ENOX1: variants seen among roughly 807,000 people sequenced by gnomAD.
ENOX1 encodes candidate growth-related and time keeping constitutive hydroquinone (NADH) oxidase.
Under a neutral mutation model 82.5 loss-of-function variants are expected in ENOX1, and 42 were observed. The ratio of observed to expected loss-of-function variants is 0.51; its 90% CI spans 0.40 to 0.66. The LOEUF is 0.66. Among genes scored for constraint, ENOX1 ranks in the 30% least tolerant of loss-of-function variants. ENOX1 has a pLI of 0.00. For missense variants in ENOX1, 608 were observed against 811.6 expected (o/e 0.75, Z 3.05); for synonymous variants, 271 against 282.2 (o/e 0.96, Z 0.40).
chr13:43,586,910 A>G (rs2081017938), intron 2 of ENOX1, among the ~76,000 whole-genome samples: 1 of 4,180 alleles, frequency 2.4e-4, no homozygotes, highest in South Asian at 0.022. Flanking sequence ...TAAAAATACA[A>G]AAAAAAAAAA....
intron 2 of ENOX1, among the ~76,000 whole-genome samples, chr13:43,654,606 T>C (rs993456374): frequency 2.0e-5 from 3 of 152,230 alleles, no homozygotes; most frequent in Non-Finnish European, 4.4e-5. Flanking sequence ...TTTGTTTAAA[T>C]AATGCTACTG....
intron 2 of ENOX1, among the ~76,000 whole-genome samples, chr13:43,593,137 T>C (rs866209899): frequency 5.9e-5 from 9 of 152,326 alleles, no homozygotes; most frequent in Middle Eastern, 3.4e-3. Context: ...ACCAGCAGCC[T>C]AGAGTCTGAC....
At chr13:43,256,865 C>G (rs1425649071) in intron 14 of ENOX1, among the ~76,000 whole-genome samples, 1 of 152,096 alleles carries the variant, frequency 6.6e-6, no homozygotes, top group Non-Finnish European at 1.5e-5. Context: ...TGATATATTG[C>G]AGTACTATTC....
chr13:43,493,190 G>A (rs980335601), intron 2 of ENOX1, among the ~76,000 whole-genome samples: 1 of 151,892 alleles, frequency 6.6e-6, no homozygotes, highest in African/African-American at 2.4e-5. Context: ...TGTTTATCTG[G>A]AGAACCTTGA....
chr13:43,471,919 TTACTG>T (rs2058086903), intron 3 of ENOX1, among the ~76,000 whole-genome samples: 2 of 151,962 alleles, frequency 1.3e-5, no homozygotes, highest in Admixed American at 6.6e-5. Flanking sequence ...ATATGAGTAT[TTACTG>T]TAAACTTCTT....
chr13:43,462,023 C>T (rs944949258), intron 3 of ENOX1, among the ~76,000 whole-genome samples: 1 of 152,154 alleles, frequency 6.6e-6, no homozygotes, highest in Non-Finnish European at 1.5e-5. Context: ...AAGCCCCTTC[C>T]CTCTGGTGCT....
intron 12 of ENOX1, among the ~76,000 whole-genome samples, chr13:43,289,091 C>T (rs1381545941): frequency 1.3e-5 from 2 of 152,120 alleles, no homozygotes; most frequent in African/African-American, 4.8e-5. Flanking sequence ...AATGGAAAAA[C>T]ACTTCATGCT....
intron 2 of ENOX1, among the ~76,000 whole-genome samples, chr13:43,616,207 T>A (rs1288159044): frequency 0.11 from 2,734 of 25,808 alleles, 633 homozygotes; most frequent in African/African-American, 0.19. Flanking sequence ...TATATATATT[T>A]TTTTTTTTTT....
At chr13:43,398,136 A>G (rs114479946) in intron 5 of ENOX1, among the ~76,000 whole-genome samples, 1,755 of 152,300 alleles carry the variant, frequency 0.012, 31 homozygotes, top group African/African-American at 0.04. Flanking sequence ...GGATTTCAAC[A>G]TATGAATTTG....
At chr13:43,545,511 C>A (rs908185799) in intron 2 of ENOX1, 1 of 152,234 alleles carries the variant, frequency 6.6e-6, no homozygotes, top group African/African-American at 2.4e-5. Context: ...CTGGGAATGG[C>A]CTCCATCAGA....
chr13:43,497,432 T>C (rs894871809), intron 2 of ENOX1, among the ~76,000 whole-genome samples: 1 of 152,154 alleles, frequency 6.6e-6, no homozygotes, highest in African/African-American at 2.4e-5. Context: ...ATACCTTTTA[T>C]TCCTAGTCTG....
chr13:43,578,841 C>T lies in ENOX1; in HGVS notation c.-219+88638G>A, dbSNP rs73182372. On this transcript the variant is annotated intron_variant, in intron 2 of 16. Coordinates refer to ENST00000690772, the MANE Select transcript of ENOX1 (RefSeq NM_001347969.2). ...AATATTATTGCTTGACTTAATTCCA[C>T]CTTTGATCTCCTCCCCCAATGATAT... Among the ~76,000 whole-genome samples, 468 of 152,254 alleles carry T rather than the reference C, an allele frequency of 3.1e-3. 1 individual carries two copies. Among genetic ancestry groups the T allele is most frequent in the Middle Eastern group, 0.02 (6 of 294 alleles).
At chr13:43,269,647 C>T in intron 12 of ENOX1, 70 bp from the exon 13 acceptor site, 1 of 1,196,702 alleles carries the variant, frequency 8.4e-7, no homozygotes. Flanking sequence ...TCCACAATAC[C>T]CATTCAAAAT....
intron 14 of ENOX1, among the ~76,000 whole-genome samples, chr13:43,259,886 A>G (rs901147500): frequency 8.5e-5 from 13 of 152,058 alleles, no homozygotes; most frequent in Admixed American, 7.9e-4. Flanking sequence ...GGCCCCTAAG[A>G]CCAAGCAGCA....
chr13:43,602,769 T>G (rs548477107), intron 2 of ENOX1, among the ~76,000 whole-genome samples: 1 of 151,890 alleles, frequency 6.6e-6, no homozygotes, highest in Admixed American at 6.6e-5. Context: ...AAAAAAAGGA[T>G]AGGGCAATCT....
intron 3 of ENOX1, among the ~76,000 whole-genome samples, chr13:43,479,913 A>T (rs1488218099): frequency 6.6e-6 from 1 of 151,774 alleles, no homozygotes; most frequent in Non-Finnish European, 1.5e-5. Flanking sequence ...TGGTTACTAA[A>T]CATTCTTTTA....
chr13:43,548,252 CA>C (rs1378252449), intron 2 of ENOX1, among the ~76,000 whole-genome samples: 1 of 151,548 alleles, frequency 6.6e-6, no homozygotes, highest in East Asian at 2.0e-4. Flanking sequence ...TTCATAAAAG[CA>C]AAACAACTAA....
intron 9 of ENOX1, among the ~76,000 whole-genome samples, chr13:43,334,733 C>G (rs776238641): frequency 6.6e-6 from 1 of 152,068 alleles, no homozygotes; most frequent in Non-Finnish European, 1.5e-5. Flanking sequence ...GAAAAAAAGT[C>G]CCTACTTTTT....
chr13:43,367,266 T>C (rs1024178959), intron 5 of ENOX1, among the ~76,000 whole-genome samples: 2 of 152,102 alleles, frequency 1.3e-5, no homozygotes, highest in African/African-American at 4.8e-5. Flanking sequence ...TTTGTAAGAG[T>C]TGACTTGTGT....
Sources: gnomAD v4.1 joint callset for allele counts (sites outside exome capture counted in the v4.1 genomes callset) on GRCh38, gnomAD v4.1.1 for gene constraint, MANE v1.5 for transcripts, NCBI Gene and HGNC (gene_info 2026-07-23, HGNC 2026-07-21) for gene names.